The following SHANK2 variants were observed in gnomAD, a reference collection of about 807,000 sequenced individuals.
SHANK2 encodes the protein SH3 and multiple ankyrin repeat domains protein 2.
A neutral mutation model predicts 133.7 loss-of-function variants in SHANK2; 43 were observed. That is an observed-to-expected ratio of 0.32 (90% CI 0.25 to 0.41). The LOEUF is 0.41. Ranked by LOEUF, SHANK2 falls within the 10% of genes least tolerant of loss-of-function variation. The pLI is 1.00. For synonymous variants in SHANK2, 1,017 were observed against 952.8 expected (o/e 1.07, Z -1.24); for missense variants, 1,994 against 2,235.8 (o/e 0.89, Z 2.18).
rs1327654017 is a variant in SHANK2 at position 71,113,316 on chromosome 11, G to C, written c.460C>G (p.Gln154Glu). 9.7e-6 allele frequency: 15 copies of C among 1,551,552 alleles called. No homozygotes were observed. The highest frequency in any genetic ancestry group is 1.2e-5 in the Non-Finnish European group (14 of 1,146,994). The change falls in exon 5 of 26, where the codon CAG becomes GAG. Residue 154 changes from glutamine (Q) to glutamate (E), a missense_variant. By Grantham distance (29) the Gln-to-Glu change is conservative. Transcript: ENST00000601538. ...ACCTTCGTGTGGAGCTTGGCCAACT[G>C]TTTCTCATCGAGACTGGCTTGTTTA... is the stretch of plus-strand genomic sequence containing the variant. Reference protein sequence around the residue: ...VYKQASLDEKQLAKLHTKTNL... With the variant: ...VYKQASLDEKELAKLHTKTNL...
intron 13 of SHANK2, among the ~76,000 whole-genome samples, chr11:70,799,141 T>C (rs1339868218): frequency 1.3e-5 from 2 of 151,844 alleles, no homozygotes; most frequent in East Asian, 3.9e-4. Flanking sequence ...CTCATGCCTG[T>C]AATCCCAGCA....
At chr11:70,790,977 G>A (rs971348441) in intron 14 of SHANK2, among the ~76,000 whole-genome samples, 2 of 152,180 alleles carry the variant, frequency 1.3e-5, no homozygotes, top group Admixed American at 6.5e-5. Context: ...GAATGGAAGG[G>A]CCTGGACTGC....
At chr11:70,824,421 AGCCGGG>A (rs1368206180) in intron 11 of SHANK2, among the ~76,000 whole-genome samples, 1 of 152,154 alleles carries the variant, frequency 6.6e-6, no homozygotes, top group East Asian at 1.9e-4. Flanking sequence ...CCTGCTAAGC[AGCCGGG>A]GCTCCTCAGC....
rs553950626 is a variant in SHANK2, at chr11:70,739,853, C to T, written c.1778-41090G>A. Among the ~76,000 whole-genome samples, 1 of 152,338 alleles carries T rather than the reference C, an allele frequency of 6.6e-6. No homozygotes were observed. The highest frequency in any genetic ancestry group is 6.5e-5 in the Admixed American group (1 of 15,300). The stretch of plus-strand genomic sequence containing the variant: ...AGACACACGAGGCACCAGGGAGGCA[C>T]CCACAGAGGACGGCCACGTGAAGAC... On this transcript the variant is annotated intron_variant, in intron 14 of 25. Transcript: ENST00000601538. This position sits in a 1 kb window ranked among gnomAD's most constrained non-coding sequence, Gnocchi z 4.3.
chr11:71,121,230 T>G (rs1291531710), intron 3 of SHANK2, among the ~76,000 whole-genome samples: 1 of 152,236 alleles, frequency 6.6e-6, no homozygotes, highest in Non-Finnish European at 1.5e-5. Flanking sequence ...AGCCACTACT[T>G]AACTTCAGGG....
Position 70,626,380 on chromosome 11 carries a change from G to A in SHANK2, c.2061+33448C>T, listed in dbSNP as rs2060905728. On this transcript the variant is annotated intron_variant, in intron 17 of 25. Coordinates refer to ENST00000601538, the MANE Select transcript of SHANK2 (RefSeq NM_012309.5). ...CCTGGTACTGGGATCAAGAGGCAGG[G>A]AGACACCAGGGAAAAATCCTGCCTC... Among the ~76,000 whole-genome samples, 6 of 152,216 alleles carry A rather than the reference G, an allele frequency of 3.9e-5. No homozygotes were observed. The South Asian group carries it at 1.2e-3, about 32-fold the overall frequency.
intron 17 of SHANK2, chr11:70,635,549 A>C (rs1271443923): frequency 7.4e-5 from 8 of 107,596 alleles, no homozygotes; most frequent in African/African-American, 2.5e-4. Context: ...GGTGGGTGCC[A>C]GGGGCCGGGG....
At chr11:70,872,585 G>T (rs570679412) in intron 11 of SHANK2, among the ~76,000 whole-genome samples, 1 of 151,856 alleles carries the variant, frequency 6.6e-6, no homozygotes, top group Non-Finnish European at 1.5e-5. Context: ...GGAATAGGGG[G>T]CCCCCATACA....
chr11:71,234,708 G>A (rs188220226), intron 1 of SHANK2, among the ~76,000 whole-genome samples: 21 of 152,176 alleles, frequency 1.4e-4, no homozygotes, highest in South Asian at 1.2e-3. Flanking sequence ...CCCACTGCCC[G>A]CATTCGAGCT....
At chr11:70,906,797 C>G (rs1442683645) in intron 10 of SHANK2, among the ~76,000 whole-genome samples, 2 of 152,150 alleles carry the variant, frequency 1.3e-5, no homozygotes, top group Non-Finnish European at 2.9e-5. Flanking sequence ...TGGGCCTGGG[C>G]TCCTGGCTCA....
At chr11:70,663,978 C>T (rs1944632571) in intron 15 of SHANK2, among the ~76,000 whole-genome samples, 2 of 152,196 alleles carry the variant, frequency 1.3e-5, no homozygotes, top group African/African-American at 2.4e-5. Context: ...TCAGATGAGG[C>T]CATGCCATGC....
At chr11:71,164,998 C>T (rs1953109625) in intron 2 of SHANK2, among the ~76,000 whole-genome samples, 1 of 151,828 alleles carries the variant, frequency 6.6e-6, no homozygotes, top group Admixed American at 6.6e-5. Context: ...GGGAACCCAG[C>T]TGTCCTTTGC....
chr11:70,705,204 G>A (rs1945634004), intron 14 of SHANK2: 1 of 152,126 alleles, frequency 6.6e-6, no homozygotes, highest in Admixed American at 6.5e-5. Context: ...AATGGAGAAG[G>A]AACAAACAAA....
At chr11:70,603,053 G>A (rs1332911773) in intron 17 of SHANK2, among the ~76,000 whole-genome samples, 2 of 152,234 alleles carry the variant, frequency 1.3e-5, no homozygotes, top group Non-Finnish European at 2.9e-5. Flanking sequence ...ACAGGTAAAC[G>A]TTAGCTTTGT....
rs564903073 is a variant in SHANK2 at position 71,167,613 on chromosome 11, C to T, written c.-12-20275G>A. 7.9e-3 allele frequency among the ~76,000 whole-genome samples: 1,135 copies of T among 143,306 alleles called. 6 individuals are homozygous for T. Among genetic ancestry groups the T allele is most frequent in the Non-Finnish European group, 0.013 (857 of 65,316 alleles). 94.0% of individuals were successfully genotyped at this position (143,306 alleles called of 152,430 possible). ...GGGACTCCTCACTTCCCAGTAGGGG[C>T]GGCCGGGAAGAGGCGCCCCTCACTT... On this transcript the variant is annotated intron_variant, in intron 2 of 25. Transcript: ENST00000601538.
chr11:70,473,851 G>A lies in SHANK2; in HGVS notation c.4980-412C>T. 3.1e-6 allele frequency: 1 copy of A among 327,238 alleles called. No homozygotes were observed. The highest frequency in any genetic ancestry group is 2.7e-5 in the South Asian group (1 of 37,092). 20.3% of individuals were successfully genotyped at this position (327,238 alleles called of 1,614,324 possible). On this transcript the variant is annotated intron_variant, in intron 25 of 25. Transcript: ENST00000601538. The surrounding 1 kb of genome is among the most constrained non-coding windows in gnomAD (Gnocchi z 5.9). The stretch of plus-strand genomic sequence containing the variant: ...AGGGGTCCCTTGAAGAGGGCACGGA[G>A]ACAGGGACAGAGTGGGGTCCTGTCA...
At chr11:70,537,754 C>T (rs1276164333) in intron 17 of SHANK2, among the ~76,000 whole-genome samples, 1 of 152,246 alleles carries the variant, frequency 6.6e-6, no homozygotes, top group Non-Finnish European at 1.5e-5. Flanking sequence ...CTCAGTCCTG[C>T]AGAGGCACGA....
intron 2 of SHANK2, among the ~76,000 whole-genome samples, chr11:71,157,644 G>A (rs1232536230): frequency 6.6e-6 from 1 of 152,164 alleles, no homozygotes; most frequent in Non-Finnish European, 1.5e-5. Flanking sequence ...CTGCTGTAAA[G>A]AGCACATGAT....
intron 18 of SHANK2, 145 bp from the exon 19 acceptor site, chr11:70,502,431 TG>T: frequency 1.3e-6 from 1 of 766,498 alleles, no homozygotes. Context: ...GTGCTTATGA[TG>T]GGAAAGGACA....
Sources: allele counts gnomAD v4.1 joint callset (sites outside exome capture counted in the v4.1 genomes callset), GRCh38; gene constraint gnomAD v4.1.1; non-coding constraint Gnocchi (gnomAD v3.1); transcripts MANE v1.5; gene names NCBI Gene and HGNC (gene_info 2026-07-23, HGNC 2026-07-21).